TBPL1: variants seen among roughly 807,000 people sequenced by gnomAD.
TBPL1 encodes the protein TATA-box binding protein like 1.
In TBPL1, 4 loss-of-function variants were observed where a neutral mutation model predicts 22.1. That is an observed-to-expected ratio of 0.18 (90% CI 0.09 to 0.41). The LOEUF is 0.41. TBPL1 is among the 10% of genes least tolerant of loss of function. The pLI is 1.00. For synonymous variants in TBPL1, 64 were observed against 71.0 expected, an observed-to-expected ratio of 0.90 and a Z score of 0.50; for missense variants, 115 against 222.3, an observed-to-expected ratio of 0.52 and a Z score of 3.07.
intron 1 of TBPL1, among the ~76,000 whole-genome samples, chr6:133,978,557 C>T (rs1178733189): frequency 6.6e-6 from 1 of 152,190 alleles, no homozygotes. Context: ...CCCTGCCTCA[C>T]TCCTCATACG....
chr6:133,984,196 G>T (rs1276130632), intron 4 of TBPL1, among the ~76,000 whole-genome samples, 180 bp from the exon 5 acceptor site: 1 of 151,992 alleles, frequency 6.6e-6, no homozygotes, highest in Non-Finnish European at 1.5e-5. Context: ...TGGAGTTTTT[G>T]AGCTTTTTAA....
chr6:133,981,768 A>G (rs1776417143), intron 2 of TBPL1, among the ~76,000 whole-genome samples: 1 of 152,224 alleles, frequency 6.6e-6, no homozygotes, highest in Non-Finnish European at 1.5e-5. Flanking sequence ...GTGAGCATTT[A>G]TGTCTTTCTT....
chr6:133,977,840 A>G (rs550238393), intron 1 of TBPL1, among the ~76,000 whole-genome samples: 1 of 152,274 alleles, frequency 6.6e-6, no homozygotes, highest in African/African-American at 2.4e-5. Context: ...CGTGGTGCAA[A>G]ATTGGCTACT....
At chr6:133,956,869 T>G (rs1474266925) in intron 1 of TBPL1, among the ~76,000 whole-genome samples, 3 of 152,230 alleles carry the variant, frequency 2.0e-5, no homozygotes, top group African/African-American at 7.2e-5. Context: ...TGACTACCAC[T>G]TTGGGAAATT....
intron 1 of TBPL1, among the ~76,000 whole-genome samples, chr6:133,967,887 T>C (rs1583815760): frequency 6.6e-6 from 1 of 152,218 alleles, no homozygotes; most frequent in East Asian, 1.9e-4. Context: ...TAAGACAGCA[T>C]GTGCGATCCC....
At chr6:133,959,260 G>A (rs895454119) in intron 1 of TBPL1, among the ~76,000 whole-genome samples, 4 of 152,054 alleles carry the variant, frequency 2.6e-5, no homozygotes, top group Admixed American at 6.6e-5. Flanking sequence ...GGCTAGCCTC[G>A]AACTTCTGAC....
intron 1 of TBPL1, among the ~76,000 whole-genome samples, chr6:133,978,539 A>AT (rs1330201283): frequency 6.6e-6 from 1 of 152,180 alleles, no homozygotes; most frequent in African/African-American, 2.4e-5. Context: ...ATCAGTTCCT[A>AT]TTGTCACCCC....
chr6:133,958,063 A>G (rs748567511), intron 1 of TBPL1, among the ~76,000 whole-genome samples: 9 of 152,222 alleles, frequency 5.9e-5, no homozygotes, highest in Non-Finnish European at 1.0e-4. Flanking sequence ...ATTGTCACAC[A>G]GGCATCTGGT....
chr6:133,981,850 T>A (rs921152973), intron 2 of TBPL1, among the ~76,000 whole-genome samples: 2 of 152,226 alleles, frequency 1.3e-5, no homozygotes, highest in Admixed American at 1.3e-4. Flanking sequence ...TTGCATATTT[T>A]CTTGGAGCTT....
In TBPL1 at chr6:133,953,245, C is replaced by G. The variant is rs1475269079; in HGVS notation, c.-225C>G. ...CCGCCTCGCACCCGGAACAACAAAGCAAGGAAGACGGAGTCCGAGCCTCGG... is the reference window on the plus strand; with the variant it reads ...CCGCCTCGCACCCGGAACAACAAAGGAAGGAAGACGGAGTCCGAGCCTCGG... On this transcript the variant is annotated 5_prime_UTR_variant, in exon 1 of 7. Transcript: ENST00000237264. The G allele has an allele frequency of 6.5e-6, 1 of 152,972 alleles. No homozygotes were observed. The highest frequency in any genetic ancestry group is 1.5e-5 in the Non-Finnish European group (1 of 68,290). 9.5% of individuals were successfully genotyped at this position (152,972 alleles called of 1,614,324 possible).
At chr6:133,971,137 A>G (rs1456949486) in intron 1 of TBPL1, among the ~76,000 whole-genome samples, 2 of 151,592 alleles carry the variant, frequency 1.3e-5, no homozygotes, top group African/African-American at 4.8e-5. Context: ...TTCTGCTTCG[A>G]TGATAACACT....
intron 6 of TBPL1, 181 bp downstream of exon 6, chr6:133,984,852 T>A: frequency 1.8e-6 from 1 of 549,964 alleles, no homozygotes; most frequent in Non-Finnish European, 3.2e-6. Context: ...TTTATAAATG[T>A]TACACTTACT....
In TBPL1 at chr6:133,977,623, C is replaced by T. The variant is rs575767576; in HGVS notation, c.-44-2459C>T. Among the ~76,000 whole-genome samples, 4 of 152,238 alleles carry T rather than the reference C, an allele frequency of 2.6e-5. No individual in the cohort carries two copies. In the East Asian group the frequency reaches 7.7e-4, roughly 29 times the overall value. On this transcript the variant is annotated intron_variant, in intron 1 of 6. Coordinates refer to ENST00000237264, the MANE Select transcript of TBPL1 (RefSeq NM_004865.4). Reference sequence around the variant, plus strand: ...ATGAAGTTTCTTCTTCAGTAGTTGCCTTGTGGTAGCTTATCCTCAAGGGAT... The same window carrying T: ...ATGAAGTTTCTTCTTCAGTAGTTGCTTTGTGGTAGCTTATCCTCAAGGGAT...
intron 3 of TBPL1, 41 bp downstream of exon 3, chr6:133,982,691 T>C: frequency 6.3e-7 from 1 of 1,598,934 alleles, no homozygotes; most frequent in South Asian, 1.1e-5. Context: ...TTTTTACTTT[T>C]TCCCTCATGG....
At chr6:133,953,583 G>A (rs767902159) in intron 1 of TBPL1, among the ~76,000 whole-genome samples, 158 bp downstream of exon 1, 3 of 152,128 alleles carry the variant, frequency 2.0e-5, no homozygotes, top group Non-Finnish European at 4.4e-5. Context: ...CAGCCGCTGA[G>A]GTGGGGGAAA....
chr6:133,955,210 CA>C (rs1775906804), intron 1 of TBPL1, among the ~76,000 whole-genome samples: 1 of 149,568 alleles, frequency 6.7e-6, no homozygotes, highest in African/African-American at 2.5e-5. Flanking sequence ...TCAGGGCTGC[CA>C]TCAGACTCAC....
intron 6 of TBPL1, chr6:133,986,035 A>G (rs993049521): frequency 7.2e-5 from 11 of 152,212 alleles, no homozygotes; most frequent in Non-Finnish European, 1.2e-4. Flanking sequence ...CAAACTGAAG[A>G]CAATTCACCT....
At chr6:133,961,870 C>G (rs1776031631) in intron 1 of TBPL1, among the ~76,000 whole-genome samples, 1 of 152,090 alleles carries the variant, frequency 6.6e-6, no homozygotes, top group East Asian at 1.9e-4. Flanking sequence ...AGATCACATT[C>G]TCTTGATTAT....
chr6:133,961,753 C>T (rs1010142853), intron 1 of TBPL1, among the ~76,000 whole-genome samples: 1 of 152,094 alleles, frequency 6.6e-6, no homozygotes, highest in Non-Finnish European at 1.5e-5. Flanking sequence ...TGTGACCCAC[C>T]GCACTTGGCC....
Sources: allele counts gnomAD v4.1 joint callset (sites outside exome capture counted in the v4.1 genomes callset), GRCh38; gene constraint gnomAD v4.1.1; transcripts MANE v1.5; gene names NCBI Gene and HGNC (gene_info 2026-07-23, HGNC 2026-07-21).